PTPRT: variants seen among roughly 807,000 people sequenced by gnomAD.
The protein encoded by PTPRT is receptor-type tyrosine-protein phosphatase T.
In PTPRT, 56 loss-of-function variants were observed where a neutral mutation model predicts 176.8. The observed-to-expected ratio is 0.32, with a 90% CI of 0.26 to 0.40. The LOEUF is 0.40. PTPRT is among the 10% of genes least tolerant of loss of function. The probability of loss-of-function intolerance (pLI) is 1.00; values close to 1 mark genes in which losing one functional copy is unlikely to be tolerated. For synonymous variants in PTPRT, 783 were observed against 739.0 expected (o/e 1.06, Z -0.96); for missense variants, 1,540 against 1,908.2 (o/e 0.81, Z 3.60).
chr20:43,136,175 G>A (rs540257821), intron 1 of PTPRT, among the ~76,000 whole-genome samples: 30 of 152,162 alleles, frequency 2.0e-4, no homozygotes, highest in Non-Finnish European at 3.4e-4. Flanking sequence ...AATTAATGGC[G>A]AGCCAGAATA....
chr20:43,069,848 G>T lies in PTPRT; in HGVS notation c.88+119798C>A, dbSNP rs553532851. Among the ~76,000 whole-genome samples the T allele has an allele frequency of 4.6e-5, 7 of 152,264 alleles. No homozygotes were observed. The East Asian group carries it at 1.4e-3, about 29-fold the overall frequency. On this transcript the variant is annotated intron_variant, in intron 1 of 30. Transcript: ENST00000373187. The stretch of plus-strand genomic sequence containing the variant: ...TGGTTACTCCAGTTGAGAAGGCTTT[G>T]GACAGCCTTCCTGTGATTTATACAA...
the PTPRT span, among the ~76,000 whole-genome samples, chr20:42,046,424 C>T: frequency 6.6e-6 from 1 of 152,180 alleles, no homozygotes; most frequent in Non-Finnish European, 1.5e-5. Context: ...TGAATGGGGA[C>T]ATTTGCAGAT....
chr20:42,853,286 A>G (rs902760717), intron 2 of PTPRT, among the ~76,000 whole-genome samples: 4 of 152,232 alleles, frequency 2.6e-5, no homozygotes, highest in Admixed American at 1.3e-4. Flanking sequence ...ATAAAGATAT[A>G]TAAGAGGAGA....
At chr20:43,040,856 T>C (rs1370889708) in intron 1 of PTPRT, among the ~76,000 whole-genome samples, 1 of 152,226 alleles carries the variant, frequency 6.6e-6, no homozygotes, top group African/African-American at 2.4e-5. Context: ...GGGAATTCCC[T>C]GCTTCCTGCT....
chr20:43,050,602 C>T (rs1987004626), intron 1 of PTPRT, among the ~76,000 whole-genome samples: 1 of 152,218 alleles, frequency 6.6e-6, no homozygotes. Flanking sequence ...ACTGGGTAAA[C>T]ATAAGCTCTG....
chr20:42,590,743 A>G (rs949626341), intron 7 of PTPRT, among the ~76,000 whole-genome samples: 1 of 152,198 alleles, frequency 6.6e-6, no homozygotes, highest in Non-Finnish European at 1.5e-5. Context: ...TGGGAAAATA[A>G]TGTAGCAAAA....
chr20:43,151,176 T>A (rs950442611), intron 1 of PTPRT, among the ~76,000 whole-genome samples: 2 of 151,516 alleles, frequency 1.3e-5, no homozygotes, highest in African/African-American at 4.8e-5. Flanking sequence ...CATGGTGGCT[T>A]GTGCCTGTAA....
chr20:42,239,369 A>G (rs1442981147), intron 14 of PTPRT, among the ~76,000 whole-genome samples: 3 of 145,510 alleles, frequency 2.1e-5, no homozygotes, highest in Non-Finnish European at 4.5e-5. Context: ...TAGTAACTGG[A>G]TTTGATAGCA....
intron 7 of PTPRT, among the ~76,000 whole-genome samples, chr20:42,561,085 G>A (rs1601270512): frequency 6.6e-6 from 1 of 152,208 alleles, no homozygotes; most frequent in East Asian, 1.9e-4. Context: ...CTAGGATGCA[G>A]CAATCACCTC....
At chr20:42,768,206 T>G (rs116529070) in intron 5 of PTPRT, among the ~76,000 whole-genome samples, 1 of 152,018 alleles carries the variant, frequency 6.6e-6, no homozygotes, top group Non-Finnish European at 1.5e-5. Context: ...CTTGAAAAAA[T>G]AGTTACTGAA....
chr20:42,693,114 T>C (rs2075817419), intron 6 of PTPRT, among the ~76,000 whole-genome samples: 1 of 152,226 alleles, frequency 6.6e-6, no homozygotes, highest in African/African-American at 2.4e-5. Flanking sequence ...AGCAAAGTAT[T>C]AAAATATCTG....
chr20:42,787,163 A>G (rs141170115), intron 3 of PTPRT, among the ~76,000 whole-genome samples: 40 of 152,360 alleles, frequency 2.6e-4, no homozygotes, highest in African/African-American at 9.6e-4. Context: ...TATCTACAAA[A>G]TGAGGATAAA....
chr20:43,111,923 G>C (rs559877911), intron 1 of PTPRT, among the ~76,000 whole-genome samples: 17 of 152,292 alleles, frequency 1.1e-4, no homozygotes, highest in Admixed American at 5.9e-4. Flanking sequence ...AGCCCATTCG[G>C]ATGTCATGGT....
chr20:42,194,923 G>A (rs138764867), intron 16 of PTPRT, among the ~76,000 whole-genome samples: 199 of 152,184 alleles, frequency 1.3e-3, no homozygotes, highest in Admixed American at 4.4e-3. Flanking sequence ...ATCAAACACC[G>A]CATGTTCTCA....
chr20:42,889,274 C>T (rs886906876), intron 1 of PTPRT, among the ~76,000 whole-genome samples: 1 of 152,208 alleles, frequency 6.6e-6, no homozygotes, highest in African/African-American at 2.4e-5. Flanking sequence ...AATGCTTTTC[C>T]CTTCTTACAG....
intron 7 of PTPRT, among the ~76,000 whole-genome samples, chr20:42,551,202 G>A (rs534726994): frequency 5.9e-5 from 9 of 152,080 alleles, no homozygotes; most frequent in East Asian, 1.9e-4. Flanking sequence ...CATATTAGAC[G>A]TTTTAAGGCA....
chr20:42,793,193 T>A (rs1324870852), intron 2 of PTPRT, among the ~76,000 whole-genome samples: 1 of 152,184 alleles, frequency 6.6e-6, no homozygotes, highest in African/African-American at 2.4e-5. Context: ...GAAAAACTTG[T>A]GTGTAAATAT....
At chr20:42,892,841 G>C (rs539627231) in intron 1 of PTPRT, among the ~76,000 whole-genome samples, 39 of 152,326 alleles carry the variant, frequency 2.6e-4, no homozygotes, top group African/African-American at 8.7e-4. Flanking sequence ...CTCAGAGTCT[G>C]TCCCATAGTA....
chr20:43,028,859 G>A (rs1213001140), intron 1 of PTPRT, among the ~76,000 whole-genome samples: 1 of 152,212 alleles, frequency 6.6e-6, no homozygotes, highest in Admixed American at 6.5e-5. Context: ...GGGAATAAGT[G>A]AAATGGAACA....
Sources: gnomAD v4.1 joint callset for allele counts (sites outside exome capture counted in the v4.1 genomes callset) on GRCh38, gnomAD v4.1.1 for gene constraint, MANE v1.5 for transcripts, NCBI Gene and HGNC (gene_info 2026-07-23, HGNC 2026-07-21) for gene names.